The following ANTXR2 variants were observed in gnomAD, a reference collection of about 807,000 sequenced individuals.
ANTXR2 encodes the protein ANTXR cell adhesion molecule 2.
In ANTXR2, 44 loss-of-function variants were observed where a neutral mutation model predicts 73.7. The ratio of observed to expected loss-of-function variants is 0.60; its 90% confidence interval spans 0.47 to 0.77. The LOEUF (loss-of-function observed/expected upper bound fraction) is 0.77. Ranked by LOEUF, ANTXR2 falls within the 30% of genes least tolerant of loss-of-function variation. The probability of loss-of-function intolerance (pLI) is 0.00; values close to 1 mark genes in which losing one functional copy is unlikely to be tolerated. For missense variants in ANTXR2, 604 were observed against 592.5 expected (o/e 1.02, Z -0.20); for synonymous variants, 217 against 205.9 (o/e 1.05, Z -0.46).
rs56730999 is a variant in ANTXR2, at chr4:80,069,209, G to GATCT, written c.296+223_296+226dup. The stretch of plus-strand genomic sequence containing the variant: ...GTGGTGAATATACAACTAAGACAGG[G>GATCT]ATCTAGATTTCACTGCACATTCCAC... On this transcript the variant is annotated intron_variant, in intron 3 of 16. Coordinates refer to ENST00000403729, the MANE Select transcript of ANTXR2 (RefSeq NM_058172.6). Among the ~76,000 whole-genome samples, 32,824 of 151,896 alleles carry GATCT rather than the reference G, an allele frequency of 0.22. 5,287 individuals are homozygous for GATCT. The highest frequency in any genetic ancestry group is 0.44 in the African/African-American group (18,373 of 41,308).
At position 79,907,096 on chromosome 4, in the gene ANTXR2, T is replaced by A. The variant is rs1726944077; in HGVS notation, c.*333A>T. On this transcript the variant is annotated 3_prime_UTR_variant, in exon 17 of 17. Transcript: ENST00000403729. The stretch of plus-strand genomic sequence containing the variant: ...TCCTTGTTTTGGTATCATCTTCGTG[T>A]TGTTGCTGTTGTTGCTTTTTCCTCT... 1 of 320,578 alleles carries A rather than the reference T, an allele frequency of 3.1e-6. No individual in the cohort carries two copies. Among genetic ancestry groups the A allele is most frequent in the South Asian group, 4.8e-5 (1 of 20,934 alleles). The allele number at this position is 320,578 out of a possible 1,614,324, so 19.9% of individuals were successfully genotyped here.
upstream of ANTXR2, among the ~76,000 whole-genome samples, chr4:80,073,239 C>A (rs755300050): frequency 6.6e-6 from 1 of 152,196 alleles, no homozygotes. Context: ...TGTCAGTGTG[C>A]GCCTGGGGAC....
intron 1 of ANTXR2, among the ~76,000 whole-genome samples, chr4:80,072,110 G>C (rs1398260157): frequency 6.6e-6 from 1 of 152,062 alleles, no homozygotes; most frequent in African/African-American, 2.4e-5. Flanking sequence ...CCGATGGAGC[G>C]TGGCCCGCAA....
chr4:79,914,002 A>T (rs1053594076), intron 16 of ANTXR2, among the ~76,000 whole-genome samples: 1 of 152,104 alleles, frequency 6.6e-6, no homozygotes, highest in South Asian at 2.1e-4. Flanking sequence ...TATAGACTTG[A>T]TTTCTTTTCT....
intron 13 of ANTXR2, 138 bp downstream of exon 13, chr4:79,984,681 A>C: frequency 1.3e-6 from 1 of 777,048 alleles, no homozygotes; most frequent in East Asian, 2.7e-5. Flanking sequence ...ATGAAAAATA[A>C]CCACTGATTT....
intron 2 of ANTXR2, among the ~76,000 whole-genome samples, chr4:80,069,716 C>T (rs1465658116): frequency 1.3e-5 from 2 of 152,214 alleles, no homozygotes; most frequent in Non-Finnish European, 2.9e-5. Flanking sequence ...CCAGCACTCA[C>T]ATACTCCTCC....
chr4:80,051,596 T>C (rs1270751334), intron 7 of ANTXR2, among the ~76,000 whole-genome samples: 1 of 151,728 alleles, frequency 6.6e-6, no homozygotes, highest in Admixed American at 6.6e-5. Context: ...TTTGCCTGGA[T>C]AGAAATCTAA....
At chr4:80,050,801 C>A (rs977955476) in intron 7 of ANTXR2, among the ~76,000 whole-genome samples, 10 of 151,620 alleles carry the variant, frequency 6.6e-5, no homozygotes, top group Admixed American at 5.3e-4. Context: ...TCTTCCAAAT[C>A]ATCTTGTACA....
intron 16 of ANTXR2, among the ~76,000 whole-genome samples, chr4:79,937,894 C>A (rs1437502627): frequency 2.9e-5 from 4 of 140,274 alleles, no homozygotes; most frequent in East Asian, 2.2e-4. Context: ...CGAAGCAGGG[C>A]GAGGCATTGC....
intron 3 of ANTXR2, 126 bp downstream of exon 3, chr4:80,069,310 A>AT (rs1168909715): frequency 1.3e-6 from 1 of 741,604 alleles, no homozygotes; most frequent in Non-Finnish European, 2.3e-6. Context: ...CTTCTATTAG[A>AT]GAACTGAATT....
intron 11 of ANTXR2, among the ~76,000 whole-genome samples, chr4:80,017,618 G>T (rs1245138910): frequency 3.9e-5 from 6 of 152,114 alleles, no homozygotes; most frequent in Non-Finnish European, 8.8e-5. Context: ...TAGGAACAAA[G>T]ACCTGTTTTC....
intron 16 of ANTXR2, among the ~76,000 whole-genome samples, chr4:79,921,016 A>G (rs571937046): frequency 6.4e-4 from 97 of 152,260 alleles, no homozygotes; most frequent in African/African-American, 2.2e-3. Context: ...GGCATATTAC[A>G]TCACTATCAG....
chr4:79,914,199 T>G (rs1015749370), intron 16 of ANTXR2, among the ~76,000 whole-genome samples: 2 of 152,162 alleles, frequency 1.3e-5, no homozygotes, highest in African/African-American at 4.8e-5. Flanking sequence ...TTGTCAATAC[T>G]GGTAAGCTCA....
chr4:80,036,496 A>T (rs1178780508), intron 7 of ANTXR2, among the ~76,000 whole-genome samples: 2 of 152,030 alleles, frequency 1.3e-5, no homozygotes, highest in East Asian at 3.9e-4. Flanking sequence ...GGTTCAAAAT[A>T]ATATCAATAA....
chr4:79,932,212 T>C (rs1382178800), intron 16 of ANTXR2, among the ~76,000 whole-genome samples: 1 of 152,152 alleles, frequency 6.6e-6, no homozygotes, highest in Non-Finnish European at 1.5e-5. Flanking sequence ...ATACATAATA[T>C]ATGCTTACAT....
chr4:79,916,425 T>C (rs1460576796), intron 16 of ANTXR2, among the ~76,000 whole-genome samples: 2 of 152,128 alleles, frequency 1.3e-5, no homozygotes, highest in African/African-American at 2.4e-5. Flanking sequence ...GAATTCTATA[T>C]ACCTTTTTAG....
chr4:79,964,861 T>A (rs918948941), intron 16 of ANTXR2: 4 of 152,190 alleles, frequency 2.6e-5, no homozygotes, highest in African/African-American at 9.7e-5. Context: ...GCTGAAACAT[T>A]CATGTCTCGG....
At chr4:80,056,051 G>C in intron 3 of ANTXR2, 38 bp from the exon 4 acceptor site, 1 of 1,386,718 alleles carries the variant, frequency 7.2e-7, no homozygotes. Context: ...AATGAGCAAA[G>C]AGCAAAGGTA....
chr4:79,945,777 A>G (rs1014019776), intron 16 of ANTXR2, among the ~76,000 whole-genome samples: 1 of 152,142 alleles, frequency 6.6e-6, no homozygotes, highest in Admixed American at 6.6e-5. Context: ...TAGAATCTAA[A>G]TCAAATGTAT....
Sources: allele counts gnomAD v4.1 joint callset (sites outside exome capture counted in the v4.1 genomes callset), GRCh38; gene constraint gnomAD v4.1.1; transcripts MANE v1.5; gene names NCBI Gene and HGNC (gene_info 2026-07-23, HGNC 2026-07-21).